The following FLACC1 variants were observed in gnomAD, a reference collection of about 807,000 sequenced individuals.
FLACC1 encodes flagellum-associated coiled-coil domain-containing protein 1.
In FLACC1, 66 loss-of-function variants were observed where a neutral mutation model predicts 62.8. The observed-to-expected ratio is 1.05, with a 90% CI of 0.86 to 1.29. The LOEUF is 1.29. Among genes scored for constraint, FLACC1 ranks in the 50% most tolerant of loss-of-function variants. The pLI, the probability that FLACC1 is intolerant of heterozygous loss-of-function variation, is 0.00. For synonymous variants in FLACC1, 156 were observed against 161.0 expected (o/e 0.97, Z 0.24); for missense variants, 452 against 489.1 (o/e 0.92, Z 0.71).
intron 8 of FLACC1, 30 bp from the exon 9 acceptor site, chr2:201,330,552 A>G: frequency 6.2e-7 from 1 of 1,608,014 alleles, no homozygotes; most frequent in Non-Finnish European, 8.5e-7. Context: ...CAGGATCATC[A>G]TTAGTCTTCT....
upstream of FLACC1, among the ~76,000 whole-genome samples, chr2:201,359,715 T>C (rs911961645): frequency 6.6e-6 from 1 of 151,948 alleles, no homozygotes; most frequent in Non-Finnish European, 1.5e-5. Flanking sequence ...CTCGGTGTGT[T>C]GATGGAGGGA....
intron 12 of FLACC1, among the ~76,000 whole-genome samples, chr2:201,297,978 T>C (rs1054535525): frequency 3.3e-5 from 5 of 152,084 alleles, no homozygotes; most frequent in African/African-American, 1.2e-4. Flanking sequence ...GACCCCCAGG[T>C]AGGAACATCC....
Position 201,288,796 on chromosome 2 carries a change from G to A in FLACC1, c.1143-15C>T. The A allele has an allele frequency of 6.2e-7, 1 of 1,611,554 alleles. No homozygotes were observed. Among genetic ancestry groups the A allele is most frequent in the Non-Finnish European group, 8.5e-7 (1 of 1,179,726 alleles). ...TTATCTTTTGCCTGTAAAAAGAAAG[G>A]AAAGATGTATCAATGTCAACTCAAA... On this transcript the variant is annotated splice_polypyrimidine_tract_variant and intron_variant, in intron 14 of 14. Coordinates refer to ENST00000392257, the MANE Select transcript of FLACC1 (RefSeq NM_001127391.3).
chr2:201,298,510 C>T (rs565915736), intron 12 of FLACC1, among the ~76,000 whole-genome samples: 34 of 152,208 alleles, frequency 2.2e-4, no homozygotes, highest in Admixed American at 5.2e-4. Context: ...TGACAGAATT[C>T]GTAGACAAGC....
At chr2:201,348,178 TGTAAAG>T in intron 4 of FLACC1, 70 bp downstream of exon 4, 1 of 1,417,146 alleles carries the variant, frequency 7.1e-7, no homozygotes, top group Non-Finnish European at 9.6e-7. Context: ...AGTATAAAAA[TGTAAAG>T]GGCCCATGCT....
upstream of FLACC1, among the ~76,000 whole-genome samples, chr2:201,358,639 G>A (rs935226323): frequency 6.6e-6 from 1 of 151,784 alleles, no homozygotes; most frequent in African/African-American, 2.4e-5. Context: ...GGATGGTCTC[G>A]ATCTCCTGAC....
Position 201,307,500 on chromosome 2 carries a change from G to A in FLACC1, c.879+19C>T, listed in dbSNP as rs756519515. On this transcript the variant is annotated intron_variant, in intron 11 of 14. Transcript: ENST00000392257. ...CTGGACTACCCATTCAATCACCAAG[G>A]TGCTTTGGGCTGAGTTACCTCCTTC... 1.3e-6 allele frequency: 2 copies of A among 1,595,190 alleles called. No individual in the cohort carries two copies. Among genetic ancestry groups the A allele is most frequent in the Admixed American group, 1.7e-5 (1 of 59,928 alleles).
chr2:201,362,976 A>T, the FLACC1 span, among the ~76,000 whole-genome samples: 5 of 151,862 alleles, frequency 3.3e-5, no homozygotes, highest in African/African-American at 4.8e-5. Flanking sequence ...CTGTGTGATG[A>T]GACTTGCAGC....
chr2:201,323,809 G>GAAAAAAAAAAAAAAAAAAAAT (rs1950452542), intron 9 of FLACC1, among the ~76,000 whole-genome samples: 1 of 77,374 alleles, frequency 1.3e-5, no homozygotes, highest in Non-Finnish European at 2.8e-5. Context: ...AAAAAGTAAG[G>GAAAAAAAAAAAAAAAAAAAAT]AAGGAAGGAA....
intron 12 of FLACC1, among the ~76,000 whole-genome samples, chr2:201,295,303 C>A (rs1227834359): frequency 6.6e-6 from 1 of 152,010 alleles, no homozygotes; most frequent in African/African-American, 2.4e-5. Context: ...GGTACTGGTA[C>A]CAAAACAGAG....
At chr2:201,318,993 T>C (rs1950351957) in intron 9 of FLACC1, among the ~76,000 whole-genome samples, 1 of 151,914 alleles carries the variant, frequency 6.6e-6, no homozygotes, top group South Asian at 2.1e-4. Context: ...TTGAGTGCAG[T>C]GTATACTGCT....
chr2:201,335,122 T>C (rs1370378148), intron 7 of FLACC1, among the ~76,000 whole-genome samples: 1 of 152,192 alleles, frequency 6.6e-6, no homozygotes, highest in Non-Finnish European at 1.5e-5. Context: ...ATTTGTCATA[T>C]CAGTTGTAAT....
intron 12 of FLACC1, among the ~76,000 whole-genome samples, chr2:201,296,431 A>C (rs544143810): frequency 1.8e-4 from 27 of 146,464 alleles, no homozygotes; most frequent in African/African-American, 6.8e-4. Flanking sequence ...CAAACACCAC[A>C]TGTTCTTGCT....
intron 12 of FLACC1, among the ~76,000 whole-genome samples, chr2:201,294,259 G>A (rs1307365895): frequency 6.6e-6 from 1 of 152,016 alleles, no homozygotes; most frequent in Non-Finnish European, 1.5e-5. Flanking sequence ...GAACATCGAT[G>A]CAAAAATCCT....
the FLACC1 span, among the ~76,000 whole-genome samples, chr2:201,362,417 C>A: frequency 6.6e-6 from 1 of 151,892 alleles, no homozygotes; most frequent in Non-Finnish European, 1.5e-5. Context: ...GTGTAAAGAT[C>A]ATCTCTGTGG....
chr2:201,345,769 G>A (rs982365994), intron 5 of FLACC1, among the ~76,000 whole-genome samples: 1 of 152,202 alleles, frequency 6.6e-6, no homozygotes, highest in Admixed American at 6.5e-5. Flanking sequence ...AGTGGGTGGA[G>A]CCTGAAGACA....
rs190948786 is a variant in FLACC1, at chr2:201,291,828, T to C, written c.943-2043A>G. 2.1e-3 allele frequency among the ~76,000 whole-genome samples: 320 copies of C among 152,224 alleles called. 3 individuals carry two copies. Among genetic ancestry groups the C allele is most frequent in the African/African-American group, 7.4e-3 (308 of 41,536 alleles). On this transcript the variant is annotated intron_variant, in intron 12 of 14. Coordinates refer to ENST00000392257, the MANE Select transcript of FLACC1 (RefSeq NM_001127391.3). ...AGAATAACCAATGCAGAGAAGTCCT[T>C]AAAGGACCTGATGGAGCTGAAAACC...
At chr2:201,304,441 C>T (rs1015908611) in intron 11 of FLACC1, among the ~76,000 whole-genome samples, 22 of 152,084 alleles carry the variant, frequency 1.4e-4, no homozygotes, top group African/African-American at 5.3e-4. Context: ...AGGATGCAAA[C>T]AAATGGAAGA....
chr2:201,346,151 A>G lies in FLACC1; in HGVS notation c.368+391T>C, dbSNP rs1338628904. Among the ~76,000 whole-genome samples the G allele has an allele frequency of 1.3e-5, 2 of 151,920 alleles. No individual in the cohort carries two copies. The highest frequency in any genetic ancestry group is 2.9e-5 in the Non-Finnish European group (2 of 67,954). ...CTAAACTCCAGCCTGGGTGGCAGAG[A>G]GAGACTCTGTCTCAAAAAAAAAAGT... On this transcript the variant is annotated intron_variant, in intron 5 of 14. Transcript: ENST00000392257. The surrounding 1 kb of genome is among the most constrained non-coding windows in gnomAD (Gnocchi z 4.0).
Sources: allele counts gnomAD v4.1 joint callset (sites outside exome capture counted in the v4.1 genomes callset), GRCh38; gene constraint gnomAD v4.1.1; non-coding constraint Gnocchi (gnomAD v3.1); transcripts MANE v1.5; gene names NCBI Gene and HGNC (gene_info 2026-07-23, HGNC 2026-07-21).